Variants in BABAM2 observed in about 807,000 individuals in gnomAD.
BABAM2 encodes the protein BRISC and BRCA1 A complex member 2, also known as BRISC and BRCA1-A complex member 2.
Under a neutral mutation model 54.7 loss-of-function variants are expected in BABAM2, and 31 were observed. That is an observed-to-expected ratio of 0.57 (90% CI 0.43 to 0.77). The LOEUF is 0.77. BABAM2 is among the 30% of genes least tolerant of loss of function. The pLI, the probability that BABAM2 is intolerant of heterozygous loss-of-function variation, is 0.00. For synonymous variants in BABAM2, 167 were observed against 162.9 expected (o/e 1.03, Z -0.19); for missense variants, 364 against 455.8 (o/e 0.80, Z 1.83).
At chr2:28,183,613 A>G (rs1675881594) in intron 7 of BABAM2, among the ~76,000 whole-genome samples, 1 of 152,130 alleles carries the variant, frequency 6.6e-6, no homozygotes, top group African/African-American at 2.4e-5. Context: ...AGACTCCCCC[A>G]TCACTGGTTC....
chr2:28,013,870 TC>T (rs1222071186), intron 4 of BABAM2, among the ~76,000 whole-genome samples: 2 of 151,726 alleles, frequency 1.3e-5, no homozygotes, highest in Non-Finnish European at 2.9e-5. Context: ...TCCCAAAAAC[TC>T]CCCAAAACAG....
intron 2 of BABAM2, among the ~76,000 whole-genome samples, chr2:27,914,209 T>G (rs1666803353): frequency 6.6e-6 from 1 of 152,152 alleles, no homozygotes; most frequent in Non-Finnish European, 1.5e-5. Context: ...GTATCTCTAG[T>G]CATGTGGAAG....
chr2:28,254,313 T>A (rs536827322), intron 10 of BABAM2, among the ~76,000 whole-genome samples: 2 of 152,342 alleles, frequency 1.3e-5, no homozygotes, highest in South Asian at 2.1e-4. Flanking sequence ...ATTTTTGTAT[T>A]TTTTGTAGAT....
chr2:27,962,402 T>G (rs544915876), intron 3 of BABAM2, among the ~76,000 whole-genome samples: 1 of 152,236 alleles, frequency 6.6e-6, no homozygotes, highest in African/African-American at 2.4e-5. Flanking sequence ...TGCCTGGTGG[T>G]TTTTCTTTAA....
chr2:27,953,413 G>T lies in BABAM2; in HGVS notation c.205+23505G>T, dbSNP rs186893050. Among the ~76,000 whole-genome samples, 472 of 152,032 alleles carry T rather than the reference G, an allele frequency of 3.1e-3. 16 individuals carry two copies. The highest frequency in any genetic ancestry group is 4.7e-4 in the Non-Finnish European group (32 of 67,974). ...GCCCAGGATGGTCTTGAATTCTTGG[G>T]CTCAAGTGATCCTCCTGCCTTGGCC... On this transcript the variant is annotated intron_variant, in intron 3 of 11. Transcript: ENST00000379624.
intron 6 of BABAM2, among the ~76,000 whole-genome samples, chr2:28,124,373 AT>A (rs1669322478): frequency 6.6e-6 from 1 of 152,112 alleles, no homozygotes. Flanking sequence ...TTTCATTCTC[AT>A]TTTACAGAAA....
intron 6 of BABAM2, among the ~76,000 whole-genome samples, chr2:28,110,683 C>T (rs1667927202): frequency 6.6e-6 from 1 of 151,764 alleles, no homozygotes; most frequent in Admixed American, 6.6e-5. Flanking sequence ...GCAGATAGCT[C>T]TTTAGGATCC....
intron 8 of BABAM2, among the ~76,000 whole-genome samples, chr2:28,240,841 G>A (rs886940943): frequency 3.5e-5 from 5 of 142,104 alleles, no homozygotes; most frequent in African/African-American, 1.3e-4. Flanking sequence ...TTGCACTCCA[G>A]CCTGGGCAAC....
intron 7 of BABAM2, among the ~76,000 whole-genome samples, chr2:28,129,986 C>G (rs1371390321): frequency 2.0e-5 from 3 of 152,132 alleles, no homozygotes; most frequent in Non-Finnish European, 4.4e-5. Context: ...TTTTGTAAGG[C>G]CTGAATTCAC....
intron 10 of BABAM2, among the ~76,000 whole-genome samples, chr2:28,250,803 G>A (rs970910137): frequency 5.9e-5 from 9 of 151,998 alleles, no homozygotes; most frequent in Non-Finnish European, 1.3e-4. Flanking sequence ...GTTTTGCCGT[G>A]TTAGCCAGGA....
intron 11 of BABAM2, 49 bp downstream of exon 11, chr2:28,298,540 CTA>C: frequency 1.2e-6 from 2 of 1,610,344 alleles, no homozygotes; most frequent in Non-Finnish European, 1.7e-6. Flanking sequence ...TTTTGTTTAT[CTA>C]GTCCAGGGGT....
chr2:28,257,269 C>T (rs1684055300), intron 10 of BABAM2, among the ~76,000 whole-genome samples: 1 of 152,168 alleles, frequency 6.6e-6, no homozygotes, highest in African/African-American at 2.4e-5. Context: ...CAACCACATA[C>T]AGGCATAGAT....
At chr2:27,901,352 C>A (rs969080901) in intron 2 of BABAM2, among the ~76,000 whole-genome samples, 7 of 152,220 alleles carry the variant, frequency 4.6e-5, no homozygotes, top group African/African-American at 1.7e-4. Flanking sequence ...AGAGGGCTCA[C>A]TGCAACCTGT....
At chr2:27,960,334 T>C (rs1670377983) in intron 3 of BABAM2, among the ~76,000 whole-genome samples, 1 of 152,208 alleles carries the variant, frequency 6.6e-6, no homozygotes, top group African/African-American at 2.4e-5. Flanking sequence ...TAGTCCAAGA[T>C]TGCCCTTTGT....
chr2:28,247,717 C>T (rs564110338), intron 10 of BABAM2, among the ~76,000 whole-genome samples: 2 of 152,308 alleles, frequency 1.3e-5, no homozygotes, highest in East Asian at 1.9e-4. Flanking sequence ...CTATTCTCCT[C>T]GGGCCCAGGA....
intron 11 of BABAM2, among the ~76,000 whole-genome samples, chr2:28,320,349 G>C (rs1204914776): frequency 1.3e-5 from 2 of 152,252 alleles, no homozygotes; most frequent in Non-Finnish European, 2.9e-5. Context: ...AAAAGTTAGA[G>C]TCCTGCGCCC....
At chr2:27,934,826 T>G (rs2148363738) in intron 3 of BABAM2, among the ~76,000 whole-genome samples, 1 of 152,376 alleles carries the variant, frequency 6.6e-6, no homozygotes, top group Non-Finnish European at 1.5e-5. Flanking sequence ...CCTAATTCTC[T>G]TCAATTCTAA....
rs187477222 is a variant in BABAM2 at position 27,922,974 on chromosome 2, A to T, written c.129-6858A>T. Among the ~76,000 whole-genome samples the T allele has an allele frequency of 6.0e-4, 92 of 152,320 alleles. 1 individual carries two copies. The highest frequency in any genetic ancestry group is 2.2e-3 in the African/African-American group (90 of 41,582). ...TCTTTACTAGCTTTTTCATACTTGT[A>T]TAAGGAAATGGCTTTCTAGATGAGT... On this transcript the variant is annotated intron_variant, in intron 2 of 11. Coordinates refer to ENST00000379624, the MANE Select transcript of BABAM2 (RefSeq NM_199191.3).
chr2:27,893,992 C>CAA (rs778759632), intron 1 of BABAM2, among the ~76,000 whole-genome samples: 833 of 40,346 alleles, frequency 0.021, 30 homozygotes, highest in African/African-American at 0.046. Context: ...GACTCTGTCG[C>CAA]AAAAAAAAAA....
Sources: gnomAD v4.1 joint callset for allele counts (sites outside exome capture counted in the v4.1 genomes callset) on GRCh38, gnomAD v4.1.1 for gene constraint, MANE v1.5 for transcripts, NCBI Gene and HGNC (gene_info 2026-07-23, HGNC 2026-07-21) for gene names.